Variants in ALK observed in about 807,000 individuals in gnomAD.
The protein encoded by ALK is ALK receptor tyrosine kinase.
Under a neutral mutation model 163.1 loss-of-function variants are expected in ALK, and 74 were observed. The ratio of observed to expected loss-of-function variants is 0.45; its 90% CI spans 0.38 to 0.55. ALK has a LOEUF of 0.55. Ranked by LOEUF, ALK falls within the 20% of genes least tolerant of loss-of-function variation. The probability of loss-of-function intolerance (pLI) is 0.00; values close to 1 mark genes in which losing one functional copy is unlikely to be tolerated. For synonymous variants in ALK, 960 were observed against 843.2 expected (o/e 1.14, Z -2.40); for missense variants, 2,063 against 2,105.3 (o/e 0.98, Z 0.39).
At chr2:29,803,845 A>G (rs1255868307) in intron 1 of ALK, among the ~76,000 whole-genome samples, 2 of 152,178 alleles carry the variant, frequency 1.3e-5, no homozygotes, top group African/African-American at 2.4e-5. Flanking sequence ...GCTGTTCTCC[A>G]TTTCCTTACA....
intron 4 of ALK, among the ~76,000 whole-genome samples, chr2:29,492,725 G>A (rs1359426371): frequency 6.6e-6 from 1 of 152,128 alleles, no homozygotes; most frequent in Non-Finnish European, 1.5e-5. Flanking sequence ...TAACATCAAG[G>A]GTTTGTTTGT....
At position 29,448,688 on chromosome 2, in the gene ALK, T is replaced by C. The variant is rs548943289; in HGVS notation, c.1155-64829A>G. Among the ~76,000 whole-genome samples the C allele has an allele frequency of 2.0e-4, 30 of 152,240 alleles. 1 individual carries two copies. The highest frequency in any genetic ancestry group is 6.5e-4 in the African/African-American group (27 of 41,536). On this transcript the variant is annotated intron_variant, in intron 4 of 28. Coordinates refer to ENST00000389048, the MANE Select transcript of ALK (RefSeq NM_004304.5). Reference sequence around the variant, plus strand: ...ACGGAGAGGCTGCCTTCAGATTACTTTGGAAGATGAAAAATATCCCCATAT... The same window carrying C: ...ACGGAGAGGCTGCCTTCAGATTACTCTGGAAGATGAAAAATATCCCCATAT...
chr2:29,249,507 T>A (rs1664763472), intron 12 of ALK, among the ~76,000 whole-genome samples: 2 of 151,940 alleles, frequency 1.3e-5, no homozygotes, highest in Admixed American at 1.3e-4. Flanking sequence ...CCTCCCAGAG[T>A]CCAGGCATGG....
chr2:29,390,514 A>C (rs189763090), intron 4 of ALK, among the ~76,000 whole-genome samples: 21 of 152,216 alleles, frequency 1.4e-4, no homozygotes, highest in South Asian at 8.3e-4. Flanking sequence ...GAAGGTGTAA[A>C]GATTTGTTAG....
rs140087036 is a variant in ALK, at chr2:29,873,517, G to A, written c.667+46476C>T. Among the ~76,000 whole-genome samples the A allele has an allele frequency of 3.9e-3, 589 of 152,278 alleles. 3 individuals are homozygous for A. Among genetic ancestry groups the A allele is most frequent in the Middle Eastern group, 0.01 (3 of 294 alleles). ...TGATGAGGACTGTGCTCAAGGGTTTGTTCCAAGTCAGAGATGGGAAGTATA... is the reference window on the plus strand; with the variant it reads ...TGATGAGGACTGTGCTCAAGGGTTTATTCCAAGTCAGAGATGGGAAGTATA... On this transcript the variant is annotated intron_variant, in intron 1 of 28. Transcript: ENST00000389048.
chr2:29,722,289 A>G lies in ALK; in HGVS notation c.668-4592T>C, dbSNP rs534758871. On this transcript the variant is annotated intron_variant, in intron 1 of 28. Coordinates refer to ENST00000389048, the MANE Select transcript of ALK (RefSeq NM_004304.5). ...GCTGATGATCAATAAATTTCAAGTG[A>G]GTGCGGGACACCAGACCCTTCCTGT... Among the ~76,000 whole-genome samples the G allele has an allele frequency of 9.9e-4, 151 of 152,354 alleles. 1 individual carries two copies. The highest frequency in any genetic ancestry group is 3.6e-3 in the African/African-American group (149 of 41,576).
intron 3 of ALK, among the ~76,000 whole-genome samples, chr2:29,543,611 T>C (rs1324852490): frequency 2.6e-5 from 4 of 152,248 alleles, no homozygotes; most frequent in Non-Finnish European, 5.9e-5. Context: ...ATGAAGGCCA[T>C]CTGGGTTAAC....
intron 4 of ALK, among the ~76,000 whole-genome samples, chr2:29,418,861 T>A (rs1037617640): frequency 6.8e-5 from 10 of 147,236 alleles, no homozygotes; most frequent in South Asian, 2.1e-4. Flanking sequence ...AATTAATACA[T>A]TAATTTGTTG....
At chr2:29,540,592 T>C (rs4666242) in intron 3 of ALK, among the ~76,000 whole-genome samples, 7 of 143,024 alleles carry the variant, frequency 4.9e-5, no homozygotes, top group African/African-American at 1.8e-4. Context: ...TTTTTTTTTT[T>C]AAAAAAAAAA....
At chr2:29,464,291 C>T (rs570271834) in intron 4 of ALK, among the ~76,000 whole-genome samples, 17 of 152,218 alleles carry the variant, frequency 1.1e-4, no homozygotes, top group African/African-American at 3.9e-4. Flanking sequence ...TTATTATAAA[C>T]CTTATAAATA....
At chr2:29,298,104 G>A (rs879755349) in intron 8 of ALK, among the ~76,000 whole-genome samples, 5 of 152,096 alleles carry the variant, frequency 3.3e-5, no homozygotes, top group Non-Finnish European at 5.9e-5. Flanking sequence ...CATGACTCAC[G>A]GCAGCCCCAA....
intron 1 of ALK, among the ~76,000 whole-genome samples, chr2:29,910,645 C>A (rs1007372165): frequency 3.3e-5 from 5 of 152,150 alleles, no homozygotes; most frequent in African/African-American, 1.2e-4. Context: ...GCATCTCTGA[C>A]TCAGGAAATT....
intron 3 of ALK, among the ~76,000 whole-genome samples, chr2:29,610,805 A>T (rs190036252): frequency 1.2e-4 from 19 of 152,204 alleles, no homozygotes; most frequent in African/African-American, 3.1e-4. Context: ...AACAATAATT[A>T]AAAAAATGAC....
chr2:29,744,345 TGTGCTATTCTA>T (rs1680148771), intron 1 of ALK, among the ~76,000 whole-genome samples: 1 of 152,260 alleles, frequency 6.6e-6, no homozygotes, highest in South Asian at 2.1e-4. Flanking sequence ...GACAAAGAAG[TGTGCTATTCTA>T]GTTATCTGTT....
At chr2:29,223,712 T>G (rs979682410) in intron 19 of ALK, 184 bp from the exon 20 acceptor site, 1 of 621,352 alleles carries the variant, frequency 1.6e-6, no homozygotes, top group African/African-American at 1.8e-5. Flanking sequence ...TGAAGCATGA[T>G]TTAAAGTAAA....
intron 3 of ALK, among the ~76,000 whole-genome samples, chr2:29,626,236 G>C (rs913212194): frequency 6.6e-6 from 1 of 152,172 alleles, no homozygotes; most frequent in Non-Finnish European, 1.5e-5. Flanking sequence ...TGACTTGGCT[G>C]TGTCCCCACC....
chr2:29,356,403 C>T (rs562517630), intron 5 of ALK, among the ~76,000 whole-genome samples: 7 of 152,140 alleles, frequency 4.6e-5, no homozygotes, highest in African/African-American at 1.7e-4. Context: ...GGCAGTCTGA[C>T]TCTTAACCCA....
intron 4 of ALK, among the ~76,000 whole-genome samples, chr2:29,398,052 G>C (rs1002082085): frequency 6.6e-6 from 1 of 152,114 alleles, no homozygotes; most frequent in Non-Finnish European, 1.5e-5. Context: ...CATGACTTTC[G>C]AGGGTCAGCT....
chr2:29,233,739 G>A (rs1488365241), intron 13 of ALK, 43 bp from the exon 14 acceptor site: 1 of 1,613,584 alleles, frequency 6.2e-7, no homozygotes, highest in Non-Finnish European at 8.5e-7. Context: ...CCAAACCAGA[G>A]TTCTCCACTT....
Sources: gnomAD v4.1 joint callset for allele counts (sites outside exome capture counted in the v4.1 genomes callset) on GRCh38, gnomAD v4.1.1 for gene constraint, MANE v1.5 for transcripts, NCBI Gene and HGNC (gene_info 2026-07-23, HGNC 2026-07-21) for gene names.